The following SOBP variants were observed in gnomAD, a reference collection of about 807,000 sequenced individuals.
The protein encoded by SOBP is sine oculis-binding protein homolog.
SOBP carries 4 observed loss-of-function variants against 53.6 expected under a neutral mutation model. The ratio of observed to expected loss-of-function variants is 0.07; its 90% CI spans 0.04 to 0.17. SOBP has a LOEUF of 0.17. SOBP is among the 10% of genes least tolerant of loss of function. The pLI, the probability that SOBP is intolerant of heterozygous loss-of-function variation, is 1.00. For synonymous variants in SOBP, 584 were observed against 522.6 expected (o/e 1.12, Z -1.60); for missense variants, 1,088 against 1,204.7 (o/e 0.90, Z 1.43).
intron 5 of SOBP, among the ~76,000 whole-genome samples, chr6:107,607,242 T>C (rs1786418790): frequency 6.6e-6 from 1 of 152,158 alleles, no homozygotes; most frequent in Non-Finnish European, 1.5e-5. Context: ...GAACAAACAT[T>C]GGTCAGATAA....
In SOBP at chr6:107,511,028, ATTATT is replaced by A. The variant is rs1443611024; in HGVS notation, c.421+4608_421+4612del. Reference sequence around the variant, plus strand: ...GAGTTTATGAAATTTATTCACATTGATTATTTTATTTAATATGGTCTTCATATAAC... The same window carrying A: ...GAGTTTATGAAATTTATTCACATTGATTATTTAATATGGTCTTCATATAAC... On this transcript the variant is annotated intron_variant, in intron 3 of 6. Transcript: ENST00000317357. Among the ~76,000 whole-genome samples, 4 of 152,314 alleles carry A rather than the reference ATTATT, an allele frequency of 2.6e-5. No individual in the cohort carries two copies. The South Asian group carries it at 6.2e-4, about 24-fold the overall frequency.
intron 4 of SOBP, among the ~76,000 whole-genome samples, chr6:107,569,959 C>T (rs1409904617): frequency 1.3e-5 from 2 of 152,212 alleles, no homozygotes; most frequent in Non-Finnish European, 2.9e-5. Context: ...TCATCCTTCT[C>T]CCTCAACTGG....
At chr6:107,609,471 G>A (rs895508431) in intron 5 of SOBP, among the ~76,000 whole-genome samples, 2 of 152,222 alleles carry the variant, frequency 1.3e-5, no homozygotes, top group Non-Finnish European at 2.9e-5. Flanking sequence ...CAAATCCCAA[G>A]AATGAGTTGG....
At chr6:107,642,195 A>G (rs2115164550) in intron 6 of SOBP, among the ~76,000 whole-genome samples, 1 of 152,338 alleles carries the variant, frequency 6.6e-6, no homozygotes, top group Non-Finnish European at 1.5e-5. Context: ...CCAGCTCTGA[A>G]TACTAACTGC....
intron 4 of SOBP, among the ~76,000 whole-genome samples, chr6:107,585,921 G>A (rs1323895268): frequency 6.6e-6 from 1 of 152,168 alleles, no homozygotes; most frequent in Non-Finnish European, 1.5e-5. Flanking sequence ...CATAAGCATT[G>A]TCATCTCTGC....
At position 107,567,172 on chromosome 6, in the gene SOBP, G is replaced by GA. The variant is rs574962357; in HGVS notation, c.574-19902dup. ...CTTATTTATATAGTAAAGAAGGAAG[G>GA]AAAAAATGACCATGACTAGAAGTAG... On this transcript the variant is annotated intron_variant, in intron 4 of 6. Transcript: ENST00000317357. Among the ~76,000 whole-genome samples, 18 of 152,252 alleles carry GA rather than the reference G, an allele frequency of 1.2e-4. No homozygotes were observed. In the East Asian group the frequency reaches 1.9e-3, roughly 16 times the overall value.
At chr6:107,498,146 G>A (rs923242583) in intron 1 of SOBP, among the ~76,000 whole-genome samples, 1 of 152,170 alleles carries the variant, frequency 6.6e-6, no homozygotes, top group African/African-American at 2.4e-5. Flanking sequence ...TGAAATTAAA[G>A]GTTCCTACCC....
chr6:107,535,839 C>T (rs1783982120), intron 4 of SOBP, among the ~76,000 whole-genome samples: 1 of 152,060 alleles, frequency 6.6e-6, no homozygotes, highest in Admixed American at 6.6e-5. Context: ...GTATTAGATA[C>T]CAGTCTCCAT....
Position 107,634,591 on chromosome 6 carries a change from TC to T in SOBP, c.1753del (p.Arg585GlyfsTer22), listed in dbSNP as rs1554190709. ...CGGCAAGCCAAGCGGACACTCCCTG[TC>T]CCCCCGGGACTCCAAGCAGGGCTCG... Reference protein sequence around the residue: ...AGGKPSGHSLSPRDSKQGSSK... With the variant: ...AGGKPSGHSLXPRDSKQGSSK... On this transcript the variant is annotated frameshift_variant, in exon 6 of 7. Coordinates refer to ENST00000317357, the MANE Select transcript of SOBP (RefSeq NM_018013.4). LOFTEE classifies it high-confidence loss of function. The surrounding 1 kb of genome is among the most constrained non-coding windows in gnomAD (Gnocchi z 4.5). 3 of 1,601,526 alleles carry T rather than the reference TC, an allele frequency of 1.9e-6. No homozygotes were observed. The highest frequency in any genetic ancestry group is 8.5e-7 in the Non-Finnish European group (1 of 1,179,168).
intron 4 of SOBP, among the ~76,000 whole-genome samples, chr6:107,554,675 G>T (rs1016721792): frequency 4.4e-4 from 67 of 152,316 alleles, no homozygotes; most frequent in Middle Eastern, 3.4e-3. Context: ...CACAGAGTGG[G>T]TTTGGTGGGT....
chr6:107,533,492 C>T lies in SOBP; in HGVS notation c.455C>T (p.Ala152Val). 1 of 1,613,932 alleles carries T rather than the reference C, an allele frequency of 6.2e-7. No homozygotes were observed. Among genetic ancestry groups the T allele is most frequent in the Non-Finnish European group, 8.5e-7 (1 of 1,179,972 alleles). The stretch of plus-strand genomic sequence containing the variant: ...GTGTCAAATGTACAAATAATGTGTG[C>T]CTGGTGCCAGAAAGTGGGAATCAAG... ...DDVSNVQIMC[A>V]WCQKVGIKRY... The change falls in exon 4 of 7, where the codon GCC becomes GTC. Residue 152 changes from alanine (A) to valine (V), a missense_variant. Ala to Val is a moderately conservative substitution (Grantham distance 64, BLOSUM62 0). This residue lies in a region of SOBP where 55 missense variants were observed against 134.3 expected (regional missense o/e 0.41). Coordinates refer to ENST00000317357, the MANE Select transcript of SOBP (RefSeq NM_018013.4).
At chr6:107,510,995 A>C (rs759468644) in intron 3 of SOBP, among the ~76,000 whole-genome samples, 16 of 152,330 alleles carry the variant, frequency 1.1e-4, no homozygotes, top group Non-Finnish European at 2.1e-4. Context: ...CTTTCATTAA[A>C]ATTTTTAGAG....
chr6:107,573,613 C>T (rs1405650367), intron 4 of SOBP, among the ~76,000 whole-genome samples: 1 of 152,332 alleles, frequency 6.6e-6, no homozygotes, highest in South Asian at 2.1e-4. Context: ...ACATGGCCCT[C>T]CTCAACCCTT....
chr6:107,655,758 G>A (rs979420617), intron 6 of SOBP, among the ~76,000 whole-genome samples: 4 of 152,272 alleles, frequency 2.6e-5, no homozygotes, highest in South Asian at 2.1e-4. Flanking sequence ...CCGTTTTACC[G>A]AGTCTCTTGT....
intron 6 of SOBP, among the ~76,000 whole-genome samples, chr6:107,657,284 G>T (rs1054458845): frequency 2.6e-5 from 4 of 152,354 alleles, no homozygotes; most frequent in African/African-American, 9.6e-5. Flanking sequence ...CTCGGTGAAT[G>T]TTGGGATGAG....
chr6:107,533,182 T>G (rs1182304062), intron 3 of SOBP, among the ~76,000 whole-genome samples: 2 of 148,518 alleles, frequency 1.3e-5, no homozygotes, highest in Non-Finnish European at 3.0e-5. Flanking sequence ...TTTTTTTTTT[T>G]TAAACCAGGC....
chr6:107,619,305 T>G (rs186316648), intron 5 of SOBP, among the ~76,000 whole-genome samples: 2 of 152,350 alleles, frequency 1.3e-5, no homozygotes, highest in African/African-American at 2.4e-5. Flanking sequence ...TCAAAGTGTT[T>G]TCCTATAGAA....
chr6:107,638,573 C>T (rs1373305295), intron 6 of SOBP, among the ~76,000 whole-genome samples: 2 of 152,074 alleles, frequency 1.3e-5, no homozygotes, highest in Non-Finnish European at 2.9e-5. Flanking sequence ...GAAACCCAGA[C>T]CGTTCATATG....
chr6:107,578,105 C>T (rs977785759), intron 4 of SOBP, among the ~76,000 whole-genome samples: 1 of 148,152 alleles, frequency 6.7e-6, no homozygotes, highest in Non-Finnish European at 1.5e-5. Flanking sequence ...AGAAGAAGTT[C>T]GTTTAAGTGT....
Sources: gnomAD v4.1 joint callset for allele counts (sites outside exome capture counted in the v4.1 genomes callset) on GRCh38, gnomAD v4.1.1 for gene constraint, gnomAD v4.1.1 regional missense constraint, Gnocchi (gnomAD v3.1) non-coding constraint, MANE v1.5 for transcripts, NCBI Gene and HGNC (gene_info 2026-07-23, HGNC 2026-07-21) for gene names.